The following PCDHA1 variants were observed in gnomAD, a reference collection of about 807,000 sequenced individuals.
The protein encoded by PCDHA1 is protocadherin alpha 1, also known as protocadherin alpha-1.
Under a neutral mutation model 61.3 loss-of-function variants are expected in PCDHA1, and 42 were observed. The observed-to-expected ratio is 0.69, with a 90% CI of 0.54 to 0.89. The LOEUF is 0.89. Ranked by LOEUF, PCDHA1 falls within the 40% of genes least tolerant of loss-of-function variation. The pLI, the probability that PCDHA1 is intolerant of heterozygous loss-of-function variation, is 0.00. For synonymous variants in PCDHA1, 610 were observed against 553.8 expected (o/e 1.10, Z -1.43); for missense variants, 1,256 against 1,235.3 (o/e 1.02, Z -0.25).
At chr5:140,870,219 C>A (rs1188426625) in intron 1 of PCDHA1, 2 of 1,614,034 alleles carry the variant, frequency 1.2e-6, no homozygotes, top group Non-Finnish European at 1.7e-6. Flanking sequence ...CCCTGATCAG[C>A]GTGTCTGACC....
chr5:140,873,734 C>T (rs2054463877), intron 1 of PCDHA1, among the ~76,000 whole-genome samples: 1 of 152,178 alleles, frequency 6.6e-6, no homozygotes, highest in African/African-American at 2.4e-5. Flanking sequence ...AATCTCAGCT[C>T]ACTGCAATCT....
intron 1 of PCDHA1, chr5:140,877,813 G>A (rs781966059): frequency 6.2e-7 from 1 of 1,610,266 alleles, no homozygotes; most frequent in Admixed American, 1.7e-5. Context: ...GCTGTCTCGA[G>A]AAGATTGTTT....
intron 1 of PCDHA1, among the ~76,000 whole-genome samples, chr5:140,904,500 T>C (rs1454204932): frequency 6.6e-6 from 1 of 151,976 alleles, no homozygotes; most frequent in African/African-American, 2.4e-5. Flanking sequence ...ATTTTTACAA[T>C]TGTGAATTGT....
chr5:140,966,885 C>A (rs1554228854), intron 1 of PCDHA1: 1 of 1,590,816 alleles, frequency 6.3e-7, no homozygotes, highest in Admixed American at 1.7e-5. Flanking sequence ...CCTGGCCCTG[C>A]GGCCTCCCAG....
intron 3 of PCDHA1, among the ~76,000 whole-genome samples, chr5:141,002,939 A>G (rs2098103546): frequency 6.6e-6 from 1 of 152,238 alleles, no homozygotes; most frequent in Admixed American, 6.5e-5. Context: ...AACACCCTCC[A>G]GCACATGCCC....
chr5:140,831,489 T>TGGG (rs2150194957), intron 1 of PCDHA1, among the ~76,000 whole-genome samples: 86,355 of 148,546 alleles, frequency 0.58, 25,923 homozygotes, highest in African/African-American at 0.72. Flanking sequence ...CCTCTGGAGT[T>TGGG]ACTACACACG....
rs782697190 is a variant in PCDHA1 at position 140,788,704 on chromosome 5, T to C, written c.2394+20T>C. ...GGTAATGTAAGTCCAACTTTCGAGT[T>C]TTGGCTTTAAATATTTTTCATATTT... On this transcript the variant is annotated intron_variant, in intron 1 of 3. Transcript: ENST00000504120. 1.6e-5 allele frequency: 24 copies of C among 1,522,536 alleles called. No individual in the cohort carries two copies. The Middle Eastern group carries it at 5.3e-4, about 33-fold the overall frequency. The allele number at this position is 1,522,536 out of a possible 1,614,324, so 94.3% of individuals were successfully genotyped here.
rs184768008 is a variant in PCDHA1 at position 140,933,949 on chromosome 5, G to C, written c.2395-45000G>C. ...GTTGTGACTTTTTTTCACATCTGCA[G>C]GATCTGTAGTGATGTTTCCCTTTTC... On this transcript the variant is annotated intron_variant, in intron 1 of 3. Coordinates refer to ENST00000504120, the MANE Select transcript of PCDHA1 (RefSeq NM_018900.4). Among the ~76,000 whole-genome samples the C allele has an allele frequency of 8.5e-4, 129 of 151,910 alleles. 1 individual carries two copies. The highest frequency in any genetic ancestry group is 3.0e-3 in the African/African-American group (123 of 41,458).
intron 1 of PCDHA1, chr5:140,835,866 G>A (rs2150246890): frequency 6.2e-7 from 1 of 1,612,132 alleles, no homozygotes. Context: ...CTACTCGCTG[G>A]TGGAGCTGCG....
At chr5:140,913,181 T>C (rs2076246657) in intron 1 of PCDHA1, among the ~76,000 whole-genome samples, 1 of 152,208 alleles carries the variant, frequency 6.6e-6, no homozygotes, top group Admixed American at 6.5e-5. Flanking sequence ...TCTTTAAATG[T>C]TTGGTAGAAT....
chr5:140,879,125 A>C (rs1251255000), intron 1 of PCDHA1, among the ~76,000 whole-genome samples: 2 of 152,244 alleles, frequency 1.3e-5, no homozygotes, highest in African/African-American at 2.4e-5. Flanking sequence ...GGATTAGAGC[A>C]GGGGAGATTG....
At chr5:140,817,507 A>C (rs1766149098) in intron 1 of PCDHA1, 1 of 152,214 alleles carries the variant, frequency 6.6e-6, no homozygotes, top group Non-Finnish European at 1.5e-5. Context: ...GCTTTTACAA[A>C]TTATTTTATT....
chr5:140,849,539 A>G lies in PCDHA1; in HGVS notation c.2394+60855A>G, dbSNP rs2150439995. ...TTGTGGATGTAAATGACAATGCTCC[A>G]CAGTTGACTATCAAAACGCTCTCGG... On this transcript the variant is annotated intron_variant, in intron 1 of 3. Coordinates refer to ENST00000504120, the MANE Select transcript of PCDHA1 (RefSeq NM_018900.4). 1.9e-6 allele frequency: 3 copies of G among 1,598,028 alleles called. 1 individual carries two copies. The highest frequency in any genetic ancestry group is 1.7e-6 in the Non-Finnish European group (2 of 1,167,768).
chr5:140,845,658 T>C (rs1779972804), intron 1 of PCDHA1, among the ~76,000 whole-genome samples: 2 of 149,686 alleles, frequency 1.3e-5, no homozygotes, highest in South Asian at 4.2e-4. Context: ...CCAATTTTTG[T>C]ATGTGTAGCC....
intron 3 of PCDHA1, among the ~76,000 whole-genome samples, chr5:140,993,099 C>T (rs1253807421): frequency 6.6e-6 from 1 of 152,206 alleles, no homozygotes; most frequent in Non-Finnish European, 1.5e-5. Context: ...TATGTTTATT[C>T]AGCGGTCAGT....
At chr5:140,813,618 A>G (rs1380677794) in intron 1 of PCDHA1, 1 of 152,222 alleles carries the variant, frequency 6.6e-6, no homozygotes, top group East Asian at 1.9e-4. Flanking sequence ...TGGTGAGTGA[A>G]TGTGAAGGCC....
At chr5:140,807,865 T>C in intron 1 of PCDHA1, 1 of 1,614,150 alleles carries the variant, frequency 6.2e-7, no homozygotes, top group Non-Finnish European at 8.5e-7. Flanking sequence ...CTGGCACCGT[T>C]CAGTTACTCA....
rs2150492739 is a variant in PCDHA1 at position 140,850,664 on chromosome 5, C to G, written c.2394+61980C>G. On this transcript the variant is annotated intron_variant, in intron 1 of 3. Coordinates refer to ENST00000504120, the MANE Select transcript of PCDHA1 (RefSeq NM_018900.4). Reference sequence around the variant, plus strand: ...TGCTGCTGTACACTGTGCTGCGGTGCTCGGCGATGCCCACCGAGGGCGAGT... The same window carrying G: ...TGCTGCTGTACACTGTGCTGCGGTGGTCGGCGATGCCCACCGAGGGCGAGT... 4.4e-6 allele frequency: 7 copies of G among 1,598,280 alleles called. No individual in the cohort carries two copies. In the African/African-American group the frequency reaches 9.4e-5, roughly 22 times the overall value.
chr5:140,796,261 C>T (rs1457591142), intron 1 of PCDHA1: 1 of 1,614,116 alleles, frequency 6.2e-7, no homozygotes, highest in African/African-American at 1.3e-5. Context: ...CGGGGGCTCG[C>T]CTTCACTGTG....
Sources: gnomAD v4.1 joint callset for allele counts (sites outside exome capture counted in the v4.1 genomes callset) on GRCh38, gnomAD v4.1.1 for gene constraint, MANE v1.5 for transcripts, NCBI Gene and HGNC (gene_info 2026-07-23, HGNC 2026-07-21) for gene names.